IARS1: variants seen among roughly 807,000 people sequenced by gnomAD.
IARS1 encodes the protein isoleucyl-tRNA synthetase 1.
In IARS1, 124 loss-of-function variants were observed where a neutral mutation model predicts 168.2. That is an observed-to-expected ratio of 0.74 (90% CI 0.64 to 0.86). The LOEUF (loss-of-function observed/expected upper bound fraction) is 0.86, where lower values mean the gene tolerates loss of function less well. Among genes scored for constraint, IARS1 ranks in the 40% least tolerant of loss-of-function variants. The pLI is 0.00. For synonymous variants in IARS1, 532 were observed against 529.4 expected, an observed-to-expected ratio of 1.00 and a Z score of -0.07; for missense variants, 1,452 against 1,515.8, an observed-to-expected ratio of 0.96 and a Z score of 0.70.
At chr9:92,287,552 T>C (rs1296561962) in intron 4 of IARS1, 3 of 344,506 alleles carry the variant, frequency 8.7e-6, no homozygotes, top group African/African-American at 2.1e-5. Context: ...GTTATACTTA[T>C]TAGAATTTTT....
At chr9:92,275,936 A>G (rs1228192709) in intron 9 of IARS1, among the ~76,000 whole-genome samples, 1 of 152,256 alleles carries the variant, frequency 6.6e-6, no homozygotes, top group Non-Finnish European at 1.5e-5. Context: ...TACCAAGTGC[A>G]TATTCCAGAC....
chr9:92,272,490 G>C (rs1397700613), intron 10 of IARS1, among the ~76,000 whole-genome samples: 3 of 152,236 alleles, frequency 2.0e-5, no homozygotes, highest in African/African-American at 7.2e-5. Context: ...CAAGTGCACA[G>C]ACTCTGCGAA....
intron 16 of IARS1, among the ~76,000 whole-genome samples, chr9:92,263,724 G>A (rs534657731): frequency 1.5e-4 from 23 of 152,190 alleles, no homozygotes; most frequent in Non-Finnish European, 2.9e-4. Flanking sequence ...TGGTGCCCAG[G>A]AGAGGTAGCC....
chr9:92,288,963 C>G (rs1478451283), intron 2 of IARS1, among the ~76,000 whole-genome samples: 1 of 152,102 alleles, frequency 6.6e-6, no homozygotes, highest in African/African-American at 2.4e-5. Context: ...AATCCCAGCA[C>G]TTTGAGAGGC....
intron 30 of IARS1, among the ~76,000 whole-genome samples, chr9:92,236,053 G>A (rs1339099892): frequency 6.6e-6 from 1 of 151,762 alleles, no homozygotes; most frequent in Admixed American, 6.6e-5. Flanking sequence ...CACGATCTCA[G>A]CTCACTGCAA....
chr9:92,212,958 G>A (rs4744125), intron 33 of IARS1, among the ~76,000 whole-genome samples: 17,078 of 152,138 alleles, frequency 0.11, 1,096 homozygotes, highest in South Asian at 0.22. Flanking sequence ...ACAGACTGCA[G>A]ACTGGTGACT....
chr9:92,212,187 G>T (rs1475010540), intron 33 of IARS1, among the ~76,000 whole-genome samples: 1 of 152,174 alleles, frequency 6.6e-6, no homozygotes. Flanking sequence ...AGTGGAGCAA[G>T]CAAGAAGACA....
chr9:92,288,009 A>G, intron 3 of IARS1, 99 bp from the exon 4 acceptor site: 1 of 1,539,702 alleles, frequency 6.5e-7, no homozygotes, highest in Non-Finnish European at 8.9e-7. Context: ...CAAATATTAT[A>G]GAAATGAACT....
intron 22 of IARS1, 108 bp downstream of exon 22, chr9:92,251,700 T>C: frequency 1.3e-6 from 1 of 748,272 alleles, no homozygotes; most frequent in Non-Finnish European, 2.3e-6. Flanking sequence ...CTATATCTAT[T>C]TTTGGCAGAA....
intron 32 of IARS1, 38 bp from the exon 33 acceptor site, chr9:92,222,710 G>T (rs746747010): frequency 6.2e-7 from 1 of 1,609,680 alleles, no homozygotes; most frequent in Middle Eastern, 1.8e-4. Context: ...AATCTCGAGA[G>T]TTCACCCTCT....
At chr9:92,214,660 G>C (rs577687660) in intron 33 of IARS1, among the ~76,000 whole-genome samples, 2 of 152,286 alleles carry the variant, frequency 1.3e-5, no homozygotes, top group East Asian at 1.9e-4. Flanking sequence ...AAGGGGTGAC[G>C]GACGGCACCT....
chr9:92,251,925 A>AT lies in IARS1; in HGVS notation c.2230-41dup, dbSNP rs751187036. ...GGAAACATAAACATTAAACTGTTAAATAAGTGTTTATCATTAAAAAAATAA... is the reference window on the plus strand; with the variant it reads ...GGAAACATAAACATTAAACTGTTAAATTAAGTGTTTATCATTAAAAAAATAA... On this transcript the variant is annotated intron_variant, in intron 21 of 33. Coordinates refer to ENST00000443024, the MANE Select transcript of IARS1 (RefSeq NM_002161.6). 7 of 1,340,778 alleles carry AT rather than the reference A, an allele frequency of 5.2e-6. No homozygotes were observed. In the African/African-American group the frequency reaches 7.2e-5, roughly 14 times the overall value. 83.1% of individuals were successfully genotyped at this position (1,340,778 alleles called of 1,614,324 possible). A position where few individuals can be genotyped will look rare whatever the true frequency, so the allele number is the denominator to read the frequency against.
intron 30 of IARS1, among the ~76,000 whole-genome samples, chr9:92,239,687 G>A (rs1455387384): frequency 6.6e-6 from 1 of 152,164 alleles, no homozygotes; most frequent in Non-Finnish European, 1.5e-5. Flanking sequence ...GGCCTCCACT[G>A]ATGCCACCGG....
intron 6 of IARS1, among the ~76,000 whole-genome samples, chr9:92,282,755 C>T (rs1467771057): frequency 6.6e-6 from 1 of 151,558 alleles, no homozygotes; most frequent in Admixed American, 6.6e-5. Flanking sequence ...AGGTGACAGA[C>T]TGAAATCCCT....
intron 30 of IARS1, among the ~76,000 whole-genome samples, chr9:92,238,090 G>C (rs1209984471): frequency 2.0e-5 from 3 of 152,118 alleles, no homozygotes; most frequent in Non-Finnish European, 2.9e-5. Flanking sequence ...ATTTTTAGTA[G>C]AGGTGGGGTT....
At chr9:92,278,799 T>A (rs533429042) in intron 7 of IARS1, among the ~76,000 whole-genome samples, 3 of 152,204 alleles carry the variant, frequency 2.0e-5, no homozygotes, top group Non-Finnish European at 4.4e-5. Flanking sequence ...CTTCCATGTA[T>A]TAGCACATAC....
chr9:92,249,637 T>C lies in IARS1; in HGVS notation c.2616+221A>G, dbSNP rs76826322. On this transcript the variant is annotated intron_variant, in intron 25 of 33. Coordinates refer to ENST00000443024, the MANE Select transcript of IARS1 (RefSeq NM_002161.6). Reference sequence around the variant, plus strand: ...ACTTCAGGGAAGTGAATGAAGATGATAGATGATAGGTAAAGAAATTCATTG... The same window carrying C: ...ACTTCAGGGAAGTGAATGAAGATGACAGATGATAGGTAAAGAAATTCATTG... Among the ~76,000 whole-genome samples, 236 of 152,234 alleles carry C rather than the reference T, an allele frequency of 1.6e-3. 2 individuals are homozygous for C. The highest frequency in any genetic ancestry group is 5.1e-3 in the African/African-American group (212 of 41,548).
chr9:92,263,407 A>G (rs1369645132), intron 16 of IARS1, among the ~76,000 whole-genome samples: 1 of 152,260 alleles, frequency 6.6e-6, no homozygotes, highest in Non-Finnish European at 1.5e-5. Flanking sequence ...ACAAGATCAT[A>G]TGGAAAAGAC....
At chr9:92,224,354 C>G (rs1825294208) in intron 31 of IARS1, among the ~76,000 whole-genome samples, 1 of 152,124 alleles carries the variant, frequency 6.6e-6, no homozygotes, top group Non-Finnish European at 1.5e-5. Context: ...GTGCAGCCGG[C>G]TGGTCATTTT....
Sources: gnomAD v4.1 joint callset for allele counts (sites outside exome capture counted in the v4.1 genomes callset) on GRCh38, gnomAD v4.1.1 for gene constraint, MANE v1.5 for transcripts, NCBI Gene and HGNC (gene_info 2026-07-23, HGNC 2026-07-21) for gene names.